The following RGS6 variants were observed in gnomAD, a reference collection of about 807,000 sequenced individuals.
The protein encoded by RGS6 is regulator of G-protein signaling 6.
A neutral mutation model predicts 78.5 loss-of-function variants in RGS6; 30 were observed. That is an observed-to-expected ratio of 0.38 (90% CI 0.29 to 0.52). RGS6 has a LOEUF of 0.52. RGS6 is among the 20% of genes least tolerant of loss of function. The pLI is 0.85. For synonymous variants in RGS6, 206 were observed against 206.0 expected (o/e 1.00, Z 0.00); for missense variants, 495 against 609.7 (o/e 0.81, Z 1.98).
At chr14:72,355,001 C>T (rs1317006006) in intron 3 of RGS6, among the ~76,000 whole-genome samples, 1 of 152,016 alleles carries the variant, frequency 6.6e-6, no homozygotes, top group Non-Finnish European at 1.5e-5. Context: ...ATCTATTTCA[C>T]AGGCCACACT....
At chr14:72,044,376 G>C in intron 2 of RGS6, among the ~76,000 whole-genome samples, 1 of 152,194 alleles carries the variant, frequency 6.6e-6, no homozygotes, top group Non-Finnish European at 1.5e-5. Flanking sequence ...GAATAAGAAA[G>C]ATCTGCCCTG....
At chr14:72,554,172 T>C (rs377558344) in intron 17 of RGS6, among the ~76,000 whole-genome samples, 4 of 152,400 alleles carry the variant, frequency 2.6e-5, no homozygotes, top group East Asian at 3.9e-4. Context: ...TGAATTGTTA[T>C]GCTTTTGTGG....
At chr14:72,446,706 C>A (rs1019243358) in intron 3 of RGS6, among the ~76,000 whole-genome samples, 1 of 152,172 alleles carries the variant, frequency 6.6e-6, no homozygotes, top group African/African-American at 2.4e-5. Context: ...TTAGTGGGAG[C>A]CCTGAGCTTG....
intron 2 of RGS6, among the ~76,000 whole-genome samples, chr14:72,249,326 TAA>T (rs903334421): frequency 7.0e-4 from 106 of 152,222 alleles, no homozygotes; most frequent in African/African-American, 1.8e-3. Context: ...TCTGCATTGA[TAA>T]GAGTCTCTAG....
chr14:71,875,774 G>C, the RGS6 span, among the ~76,000 whole-genome samples: 2 of 152,072 alleles, frequency 1.3e-5, no homozygotes, highest in African/African-American at 4.8e-5. Context: ...TTTCTCTTGT[G>C]GGCATTTAGT....
At chr14:72,494,792 C>T (rs752102333) in intron 12 of RGS6, among the ~76,000 whole-genome samples, 59 of 152,056 alleles carry the variant, frequency 3.9e-4, no homozygotes, top group Admixed American at 5.9e-4. Flanking sequence ...CCAGATGCCT[C>T]GAGAATCAGT....
intron 2 of RGS6, among the ~76,000 whole-genome samples, chr14:72,184,748 A>G (rs2097217211): frequency 6.6e-6 from 1 of 152,358 alleles, no homozygotes; most frequent in African/African-American, 2.4e-5. Flanking sequence ...CTTAAGCACA[A>G]GAAGATAAAT....
chr14:72,070,158 CTGTG>C (rs542107919), intron 2 of RGS6, among the ~76,000 whole-genome samples: 2 of 151,782 alleles, frequency 1.3e-5, no homozygotes, highest in Non-Finnish European at 2.9e-5. Flanking sequence ...CTGTCTCTCT[CTGTG>C]TGTGTGTGTA....
the RGS6 span, among the ~76,000 whole-genome samples, chr14:71,921,340 A>T: frequency 2.0e-5 from 3 of 152,212 alleles, no homozygotes; most frequent in African/African-American, 7.2e-5. Flanking sequence ...AAATAGAACT[A>T]CCGTATTACC....
intron 2 of RGS6, among the ~76,000 whole-genome samples, chr14:72,349,716 A>G (rs189061786): frequency 6.6e-6 from 1 of 152,322 alleles, no homozygotes; most frequent in Admixed American, 6.5e-5. Flanking sequence ...GCCTTCTAAG[A>G]TTCAGTCGTG....
At chr14:72,219,520 C>T (rs1253215946) in intron 2 of RGS6, among the ~76,000 whole-genome samples, 1 of 152,154 alleles carries the variant, frequency 6.6e-6, no homozygotes, top group African/African-American at 2.4e-5. Flanking sequence ...TAAATGCAAT[C>T]TTTGATAACT....
intron 2 of RGS6, among the ~76,000 whole-genome samples, chr14:72,267,426 G>A (rs1378555036): frequency 6.6e-6 from 1 of 152,220 alleles, no homozygotes; most frequent in African/African-American, 2.4e-5. Flanking sequence ...TGTGAGAGCT[G>A]GGTTGAGTAG....
chr14:72,530,031 T>G (rs2097163114), intron 15 of RGS6, among the ~76,000 whole-genome samples: 1 of 152,250 alleles, frequency 6.6e-6, no homozygotes, highest in Admixed American at 6.5e-5. Flanking sequence ...TTTATCCTGC[T>G]CTATTTTGAT....
chr14:72,063,205 G>C (rs913454144), intron 2 of RGS6, among the ~76,000 whole-genome samples: 2 of 152,204 alleles, frequency 1.3e-5, no homozygotes, highest in South Asian at 4.1e-4. Context: ...CCAACAGTTA[G>C]AGGTTGAAGA....
At chr14:72,327,196 A>G (rs1412773125) in intron 2 of RGS6, among the ~76,000 whole-genome samples, 2 of 152,102 alleles carry the variant, frequency 1.3e-5, no homozygotes, top group African/African-American at 2.4e-5. Flanking sequence ...AAGTTAATCA[A>G]TTTTAAATTA....
chr14:72,409,333 C>G (rs1208242701), intron 3 of RGS6, among the ~76,000 whole-genome samples: 1 of 152,130 alleles, frequency 6.6e-6, no homozygotes, highest in East Asian at 1.9e-4. Flanking sequence ...GGAAGTAAGA[C>G]AAAGAAAACA....
At chr14:72,072,845 T>C (rs1008867709) in intron 2 of RGS6, among the ~76,000 whole-genome samples, 3 of 152,222 alleles carry the variant, frequency 2.0e-5, no homozygotes, top group African/African-American at 7.2e-5. Flanking sequence ...TTGTAATTAT[T>C]AGAGCAATAG....
intron 2 of RGS6, among the ~76,000 whole-genome samples, chr14:72,343,384 T>C (rs1478051000): frequency 2.0e-5 from 3 of 152,198 alleles, no homozygotes; most frequent in East Asian, 3.9e-4. Context: ...CACATCTGTC[T>C]CTAACCAACT....
At chr14:72,016,253 A>G (rs1211717537) in intron 2 of RGS6, among the ~76,000 whole-genome samples, 1 of 152,158 alleles carries the variant, frequency 6.6e-6, no homozygotes, top group Non-Finnish European at 1.5e-5. Context: ...ATCTTTTTCC[A>G]TATGGATGTC....
Sources: gnomAD v4.1 joint callset for allele counts (sites outside exome capture counted in the v4.1 genomes callset) on GRCh38, gnomAD v4.1.1 for gene constraint, MANE v1.5 for transcripts, NCBI Gene and HGNC (gene_info 2026-07-23, HGNC 2026-07-21) for gene names.